ANKRD6: variants seen among roughly 807,000 people sequenced by gnomAD.
ANKRD6 encodes the protein ankyrin repeat domain-containing protein 6.
In ANKRD6, 56 loss-of-function variants were observed where a neutral mutation model predicts 82.3. The ratio of observed to expected loss-of-function variants is 0.68; its 90% CI spans 0.55 to 0.85. The LOEUF is 0.85. ANKRD6 is among the 40% of genes least tolerant of loss of function. ANKRD6 has a pLI of 0.00. For synonymous variants in ANKRD6, 347 were observed against 352.1 expected (o/e 0.99, Z 0.16); for missense variants, 852 against 907.6 (o/e 0.94, Z 0.79).
chr6:89,573,968 C>T (rs915035152), intron 2 of ANKRD6, among the ~76,000 whole-genome samples: 12 of 152,214 alleles, frequency 7.9e-5, no homozygotes, highest in Non-Finnish European at 1.6e-4. Context: ...ACCTTGTTCT[C>T]TATGCATTCT....
chr6:89,623,243 T>C (rs1047438394), intron 10 of ANKRD6, among the ~76,000 whole-genome samples, 167 bp from the exon 11 acceptor site: 6 of 152,116 alleles, frequency 3.9e-5, no homozygotes, highest in Non-Finnish European at 8.8e-5. Context: ...CGTTCTATGT[T>C]AGTTAAGACC....
intron 1 of ANKRD6, among the ~76,000 whole-genome samples, chr6:89,495,911 TTC>T (rs1311759737): frequency 2.0e-5 from 3 of 152,154 alleles, no homozygotes; most frequent in African/African-American, 7.2e-5. Flanking sequence ...CTCAGAAAGT[TTC>T]TGACTTGCGC....
chr6:89,618,901 A>G (rs1034191900), intron 9 of ANKRD6, among the ~76,000 whole-genome samples: 8 of 152,196 alleles, frequency 5.3e-5, no homozygotes, highest in Non-Finnish European at 7.3e-5. Context: ...ACTATTCTGT[A>G]TTACATTACA....
chr6:89,501,912 C>T (rs942295891), intron 1 of ANKRD6, among the ~76,000 whole-genome samples: 5 of 152,082 alleles, frequency 3.3e-5, no homozygotes, highest in Admixed American at 6.5e-5. Context: ...TCATCACCTC[C>T]CCACAGGATT....
chr6:89,575,392 T>G (rs1178813138), intron 2 of ANKRD6, among the ~76,000 whole-genome samples: 1 of 152,030 alleles, frequency 6.6e-6, no homozygotes, highest in African/African-American at 2.4e-5. Context: ...GAGAAAAACT[T>G]TTGCTTGTGA....
intron 1 of ANKRD6, among the ~76,000 whole-genome samples, chr6:89,435,204 C>T (rs1770479952): frequency 6.6e-6 from 1 of 152,162 alleles, no homozygotes; most frequent in African/African-American, 2.4e-5. Context: ...CTGTGAAATA[C>T]ATCATACACT....
In ANKRD6 at chr6:89,627,561, C is replaced by G. The variant is rs202003845; in HGVS notation, c.1372-22C>G. 345 of 1,610,676 alleles carry G rather than the reference C, an allele frequency of 2.1e-4. 1 individual carries two copies. The Middle Eastern group carries it at 9.1e-3, about 42-fold the overall frequency. Reference sequence around the variant, plus strand: ...ACCCTGAGATCATCTCAGTCTTACACTCTGCTCCACTTCACTCCTAGATGC... The same window carrying G: ...ACCCTGAGATCATCTCAGTCTTACAGTCTGCTCCACTTCACTCCTAGATGC... On this transcript the variant is annotated intron_variant, in intron 13 of 15. Coordinates refer to ENST00000339746, the MANE Select transcript of ANKRD6 (RefSeq NM_001242809.2).
chr6:89,459,807 G>C (rs540377035), intron 1 of ANKRD6, among the ~76,000 whole-genome samples: 1 of 152,220 alleles, frequency 6.6e-6, no homozygotes, highest in East Asian at 1.9e-4. Flanking sequence ...CCAGCTTAGG[G>C]TGGTTTTTAT....
chr6:89,478,958 A>G (rs1776436382), intron 1 of ANKRD6, among the ~76,000 whole-genome samples: 1 of 152,154 alleles, frequency 6.6e-6, no homozygotes, highest in Admixed American at 6.5e-5. Flanking sequence ...TCAGATTTCT[A>G]GCATCCAGAA....
At position 89,463,874 on chromosome 6, in the gene ANKRD6, A is replaced by AC. The variant is rs368042473; in HGVS notation, c.-144+30499_-144+30500insC. ...TCAAAAATCTTATTTTATAAAAAAA[A>AC]GCAATTGACCCTCATTTTGGGGTCT... is the stretch of plus-strand genomic sequence containing the variant. On this transcript the variant is annotated intron_variant, in intron 1 of 15. Transcript: ENST00000339746. Among the ~76,000 whole-genome samples the AC allele has an allele frequency of 2.4e-3, 361 of 152,322 alleles. 1 individual carries two copies. Among genetic ancestry groups the AC allele is most frequent in the African/African-American group, 8.4e-3 (350 of 41,578 alleles).
chr6:89,523,346 A>G (rs1428682759), intron 1 of ANKRD6, among the ~76,000 whole-genome samples: 1 of 152,254 alleles, frequency 6.6e-6, no homozygotes, highest in African/African-American at 2.4e-5. Context: ...TTGCCTTCAA[A>G]GACTGTCATG....
intron 1 of ANKRD6, among the ~76,000 whole-genome samples, chr6:89,470,814 A>G (rs1775362622): frequency 6.6e-6 from 1 of 152,072 alleles, no homozygotes; most frequent in African/African-American, 2.4e-5. Context: ...CGCTGGGTCA[A>G]AGTATATTTA....
At chr6:89,513,282 T>A (rs1780781989) in intron 1 of ANKRD6, among the ~76,000 whole-genome samples, 1 of 152,190 alleles carries the variant, frequency 6.6e-6, no homozygotes, top group Admixed American at 6.5e-5. Flanking sequence ...AAATACAGAT[T>A]GATGAATTTT....
At chr6:89,525,293 C>CAA (rs537500108) in intron 1 of ANKRD6, among the ~76,000 whole-genome samples, 32,365 of 129,836 alleles carry the variant, frequency 0.25, 4,381 homozygotes, top group Non-Finnish European at 0.29. Flanking sequence ...GATCCTATCT[C>CAA]AAAAAAAAAA....
intron 1 of ANKRD6, among the ~76,000 whole-genome samples, chr6:89,499,788 C>T (rs1293610063): frequency 6.6e-6 from 1 of 152,144 alleles, no homozygotes; most frequent in Non-Finnish European, 1.5e-5. Context: ...CCCTCACGGT[C>T]CCCTTTCCCT....
rs777094837 is a variant in ANKRD6 at position 89,630,506 on chromosome 6, A to G, written c.1686A>G (p.Lys562=). The change falls in exon 16 of 16, where the codon AAA becomes AAG. Residue 562 remains lysine, a synonymous_variant. Transcript: ENST00000339746. Reference sequence around the variant, plus strand: ...GCTCCCCTCCAGTGGTTAGGCCCAAAGAGAAGGCCCTCAACTCCACTGCTA... The same window carrying G: ...GCTCCCCTCCAGTGGTTAGGCCCAAGGAGAAGGCCCTCAACTCCACTGCTA... ...SDSSPPVVRP[K]EKALNSTATQ... 74 of 1,613,940 alleles carry G rather than the reference A, an allele frequency of 4.6e-5. No homozygotes were observed. Among genetic ancestry groups the G allele is most frequent in the Non-Finnish European group, 5.4e-5 (64 of 1,179,904 alleles).
chr6:89,443,453 T>C (rs1291158510), intron 1 of ANKRD6, among the ~76,000 whole-genome samples: 1 of 152,206 alleles, frequency 6.6e-6, no homozygotes, highest in Non-Finnish European at 1.5e-5. Context: ...TCTGATGAGG[T>C]GACCTGTGGT....
intron 1 of ANKRD6, among the ~76,000 whole-genome samples, chr6:89,463,395 T>C (rs1002038321): frequency 5.3e-5 from 8 of 152,196 alleles, no homozygotes; most frequent in African/African-American, 1.9e-4. Context: ...CAGAAAGTAT[T>C]GTACATGAAT....
In ANKRD6 at chr6:89,506,217, A is replaced by G. The variant is rs191720298; in HGVS notation, c.-143-60617A>G. 3.3e-5 allele frequency among the ~76,000 whole-genome samples: 5 copies of G among 152,338 alleles called. No individual in the cohort carries two copies. In the East Asian group the frequency reaches 7.7e-4, roughly 23 times the overall value. On this transcript the variant is annotated intron_variant, in intron 1 of 15. Transcript: ENST00000339746. ...ATCTTAAGTATTCTCACCACATACA[A>G]AAGTAACTGAGGTGATGGATGTGTT...
Sources: allele counts gnomAD v4.1 joint callset (sites outside exome capture counted in the v4.1 genomes callset), GRCh38; gene constraint gnomAD v4.1.1; transcripts MANE v1.5; gene names NCBI Gene and HGNC (gene_info 2026-07-23, HGNC 2026-07-21).